Variants in WDR41 observed in about 807,000 individuals in gnomAD.
WDR41 encodes WD repeat-containing protein 41.
WDR41 carries 63 observed loss-of-function variants against 69.3 expected under a neutral mutation model. The ratio of observed to expected loss-of-function variants is 0.91; its 90% confidence interval spans 0.74 to 1.12. The LOEUF is 1.12. WDR41 is among the 50% of genes most tolerant of loss of function. The pLI, the probability that WDR41 is intolerant of heterozygous loss-of-function variation, is 0.00. For missense variants in WDR41, 543 were observed against 534.5 expected (o/e 1.02, Z -0.16); for synonymous variants, 185 against 192.1 (o/e 0.96, Z 0.31).
rs375172712 is a variant in WDR41, at chr5:77,453,876, A to G, written c.464T>C (p.Leu155Pro). ...ATCTAATTTTCGGTTCCACACACAC[A>G]GGTCATTCCCACCAGAAAGCCAAAC... The part of the protein sequence containing the change: ...LDVWLSGGND[L>P]CVWNRKLDLL... The change falls in exon 6 of 13, where the codon CTG becomes CCG. Residue 155 changes from leucine (L) to proline (P), a missense_variant. Coordinates refer to ENST00000296679, the MANE Select transcript of WDR41 (RefSeq NM_018268.4). The G allele has an allele frequency of 1.2e-6, 2 of 1,614,014 alleles. No homozygotes were observed. The highest frequency in any genetic ancestry group is 2.7e-5 in the African/African-American group (2 of 74,936).
intron 1 of WDR41, among the ~76,000 whole-genome samples, chr5:77,601,879 T>C (rs1744329233): frequency 6.6e-6 from 1 of 152,224 alleles, no homozygotes; most frequent in African/African-American, 2.4e-5. Context: ...TGCAATATTT[T>C]GTCACATGCA....
chr5:77,569,667 A>T (rs1743698352), intron 1 of WDR41, among the ~76,000 whole-genome samples: 1 of 152,194 alleles, frequency 6.6e-6, no homozygotes, highest in African/African-American at 2.4e-5. Context: ...TTATTGCAAC[A>T]CTTCATTTTC....
At chr5:77,459,383 C>T (rs761293963) in intron 4 of WDR41, among the ~76,000 whole-genome samples, 2 of 152,058 alleles carry the variant, frequency 1.3e-5, no homozygotes, top group Non-Finnish European at 2.9e-5. Flanking sequence ...AATGAATGGT[C>T]TGAAGTACTG....
intron 1 of WDR41, among the ~76,000 whole-genome samples, chr5:77,547,967 G>A (rs938500781): frequency 2.6e-5 from 4 of 152,084 alleles, no homozygotes; most frequent in Non-Finnish European, 5.9e-5. Flanking sequence ...AGAGAACCCA[G>A]AAATAAACCC....
intron 1 of WDR41, among the ~76,000 whole-genome samples, chr5:77,538,793 T>G (rs1372149200): frequency 1.3e-5 from 2 of 152,364 alleles, no homozygotes; most frequent in South Asian, 2.1e-4. Flanking sequence ...GTGCCCGTAA[T>G]GAAATCAGGA....
chr5:77,497,546 G>T (rs1014072054), intron 1 of WDR41, among the ~76,000 whole-genome samples: 13 of 152,030 alleles, frequency 8.6e-5, no homozygotes, highest in African/African-American at 3.1e-4. Context: ...AACCACAATG[G>T]CATGCCATTT....
chr5:77,454,034 TG>T, intron 5 of WDR41, 106 bp from the exon 6 acceptor site: 1 of 801,710 alleles, frequency 1.2e-6, no homozygotes, highest in East Asian at 2.6e-5. Context: ...CTTCACTAGG[TG>T]GAGCTTATTT....
intron 1 of WDR41, among the ~76,000 whole-genome samples, chr5:77,569,759 T>A (rs1743699563): frequency 6.6e-6 from 1 of 152,208 alleles, no homozygotes; most frequent in Non-Finnish European, 1.5e-5. Flanking sequence ...CTAAGGCAAG[T>A]GTGACAGTTT....
intron 5 of WDR41, among the ~76,000 whole-genome samples, chr5:77,457,761 A>G (rs1799890725): frequency 6.6e-6 from 1 of 150,642 alleles, no homozygotes; most frequent in Non-Finnish European, 1.5e-5. Flanking sequence ...TGGATAAACT[A>G]TCTATTCAAG....
chr5:77,463,744 C>T (rs570707400), intron 3 of WDR41, among the ~76,000 whole-genome samples: 2 of 152,266 alleles, frequency 1.3e-5, no homozygotes, highest in African/African-American at 4.8e-5. Context: ...CTATTCCTAC[C>T]CATCCAGTGT....
chr5:77,594,312 G>GC (rs766195931), intron 1 of WDR41, among the ~76,000 whole-genome samples: 7 of 151,678 alleles, frequency 4.6e-5, no homozygotes, highest in Non-Finnish European at 1.0e-4. Flanking sequence ...TATACCTAAT[G>GC]TAAATGACGA....
intron 1 of WDR41, among the ~76,000 whole-genome samples, chr5:77,502,187 G>C (rs765483158): frequency 1.1e-4 from 17 of 152,086 alleles, no homozygotes; most frequent in Non-Finnish European, 2.1e-4. Context: ...TGACCTGATG[G>C]AGCTGAAAAC....
intron 7 of WDR41, among the ~76,000 whole-genome samples, chr5:77,450,318 A>G (rs1405173378): frequency 6.6e-6 from 1 of 152,210 alleles, no homozygotes; most frequent in African/African-American, 2.4e-5. Flanking sequence ...TGAAGACATA[A>G]GCAACTTCTT....
At chr5:77,537,001 G>A (rs1332206205) in intron 1 of WDR41, among the ~76,000 whole-genome samples, 1 of 152,142 alleles carries the variant, frequency 6.6e-6, no homozygotes, top group Non-Finnish European at 1.5e-5. Flanking sequence ...TAAGAAAAAT[G>A]GGAATAGGTT....
chr5:77,603,145 C>A (rs1744355646), intron 1 of WDR41, among the ~76,000 whole-genome samples: 2 of 152,098 alleles, frequency 1.3e-5, no homozygotes, highest in Non-Finnish European at 2.9e-5. Flanking sequence ...ACCAAGTTAG[C>A]CAGGATGGTC....
In WDR41 at chr5:77,432,277, A is replaced by C. The variant is rs988710737; in HGVS notation, c.*858T>G. 6.6e-6 allele frequency: 1 copy of C among 152,226 alleles called. No homozygotes were observed. The highest frequency in any genetic ancestry group is 6.5e-5 in the Admixed American group (1 of 15,282). The allele number at this position is 152,226 out of a possible 1,614,324, so 9.4% of individuals were successfully genotyped here. ...AATATTTTCATTTTTTAGCACCAAAAGGAGAAAACATATTGTTACAAGGCT... is the reference window on the plus strand; with the variant it reads ...AATATTTTCATTTTTTAGCACCAAACGGAGAAAACATATTGTTACAAGGCT... On this transcript the variant is annotated 3_prime_UTR_variant, in exon 13 of 13. Coordinates refer to ENST00000296679, the MANE Select transcript of WDR41 (RefSeq NM_018268.4).
At chr5:77,582,566 T>C (rs987527061) in intron 1 of WDR41, 2 of 1,599,604 alleles carry the variant, frequency 1.3e-6, no homozygotes, top group Non-Finnish European at 1.7e-6. Flanking sequence ...TATAGGCAAA[T>C]GTACAGAACT....
chr5:77,529,511 C>T (rs969232605), intron 1 of WDR41, among the ~76,000 whole-genome samples: 28 of 151,416 alleles, frequency 1.8e-4, no homozygotes, highest in African/African-American at 3.4e-4. Context: ...TAAAACTTTA[C>T]GAGTTGATTA....
intron 1 of WDR41, among the ~76,000 whole-genome samples, chr5:77,597,047 T>C (rs949756325): frequency 4.0e-5 from 6 of 151,552 alleles, no homozygotes; most frequent in African/African-American, 1.5e-4. Context: ...GGCTTGAGCC[T>C]AGGAGGTTGA....
Sources: allele counts gnomAD v4.1 joint callset (sites outside exome capture counted in the v4.1 genomes callset), GRCh38; gene constraint gnomAD v4.1.1; transcripts MANE v1.5; gene names NCBI Gene and HGNC (gene_info 2026-07-23, HGNC 2026-07-21).